GPHN: variants seen among roughly 807,000 people sequenced by gnomAD.
GPHN encodes gephyrin.
A neutral mutation model predicts 95.5 loss-of-function variants in GPHN; 17 were observed. The ratio of observed to expected loss-of-function variants is 0.18; its 90% CI spans 0.12 to 0.27. The LOEUF is 0.27. Among genes scored for constraint, GPHN ranks in the 10% least tolerant of loss-of-function variants. GPHN has a pLI of 1.00. For synonymous variants in GPHN, 320 were observed against 322.5 expected (o/e 0.99, Z 0.08); for missense variants, 660 against 978.1 (o/e 0.67, Z 4.34).
At chr14:66,783,365 A>G (rs1181670016) in intron 3 of GPHN, among the ~76,000 whole-genome samples, 1 of 151,954 alleles carries the variant, frequency 6.6e-6, no homozygotes, top group Non-Finnish European at 1.5e-5. Flanking sequence ...CTATGATATT[A>G]AAGTTGAAAC....
the GPHN span, chr14:67,376,410 A>T: frequency 6.4e-7 from 1 of 1,556,462 alleles, no homozygotes; most frequent in Non-Finnish European, 8.7e-7. Flanking sequence ...CTTATCTTTG[A>T]ATTGTTGAGC....
chr14:66,852,087 A>C (rs1406125958), intron 4 of GPHN, among the ~76,000 whole-genome samples: 2 of 152,248 alleles, frequency 1.3e-5, no homozygotes, highest in Non-Finnish European at 2.9e-5. Context: ...GAAAAATAAT[A>C]GAATTTAATG....
At chr14:67,060,976 A>G (rs1222351945) in intron 11 of GPHN, among the ~76,000 whole-genome samples, 5 of 152,210 alleles carry the variant, frequency 3.3e-5, no homozygotes, top group Non-Finnish European at 5.9e-5. Flanking sequence ...GTTTTTCTAC[A>G]TCCTCTTAAA....
intron 1 of GPHN, among the ~76,000 whole-genome samples, chr14:66,577,550 A>G (rs1836648054): frequency 6.6e-6 from 1 of 152,140 alleles, no homozygotes; most frequent in Middle Eastern, 3.2e-3. Context: ...TTATTAAATT[A>G]TGGCAAGATT....
chr14:66,959,242 C>T (rs892519845), intron 8 of GPHN, among the ~76,000 whole-genome samples: 49 of 151,944 alleles, frequency 3.2e-4, no homozygotes, highest in Non-Finnish European at 5.9e-4. Flanking sequence ...CAAAAATATA[C>T]GTGAGATACG....
chr14:66,735,950 A>G (rs2153436522), intron 2 of GPHN, among the ~76,000 whole-genome samples: 1 of 152,266 alleles, frequency 6.6e-6, no homozygotes. Context: ...CATTTTATAG[A>G]CAGGGAACCA....
chr14:67,279,572 T>G, the GPHN span: 3 of 1,498,184 alleles, frequency 2.0e-6, no homozygotes, highest in South Asian at 2.8e-5. Context: ...GAAAACATTT[T>G]GCTTTAATTT....
intron 9 of GPHN, among the ~76,000 whole-genome samples, chr14:67,021,990 T>C (rs1195567911): frequency 6.6e-6 from 1 of 152,108 alleles, no homozygotes; most frequent in African/African-American, 2.4e-5. Context: ...TCCTTCTCTC[T>C]CCCAGATTTT....
intron 8 of GPHN, among the ~76,000 whole-genome samples, chr14:66,935,706 A>G (rs1476424057): frequency 1.3e-5 from 2 of 151,858 alleles, no homozygotes; most frequent in Non-Finnish European, 2.9e-5. Context: ...GTATACGTAT[A>G]CATGTGTTTA....
chr14:67,541,879 C>T, the GPHN span: 78 of 1,601,890 alleles, frequency 4.9e-5, no homozygotes, highest in Non-Finnish European at 6.2e-5. Flanking sequence ...TGGCAGAACT[C>T]AAGGTGGAGG....
chr14:67,076,983 TATAACTGTGGGATTATTTTG>T (rs1307112458), intron 11 of GPHN, among the ~76,000 whole-genome samples: 1 of 152,150 alleles, frequency 6.6e-6, no homozygotes, highest in Non-Finnish European at 1.5e-5. Context: ...CAGGGAACTT[TATAACTGTGGGATTATTTTG>T]ATAAGTGACT....
chr14:67,608,623 T>C, the GPHN span, among the ~76,000 whole-genome samples: 4 of 152,170 alleles, frequency 2.6e-5, no homozygotes, highest in East Asian at 1.9e-4. Context: ...ATTAGGACTT[T>C]CTGGTGCTAA....
At chr14:67,579,923 T>G in the GPHN span, 1 of 1,529,282 alleles carries the variant, frequency 6.5e-7, no homozygotes, top group Non-Finnish European at 8.9e-7. Flanking sequence ...TGCTCAGGGA[T>G]ATTGGTGGTG....
chr14:67,375,232 CTGTGTGTGTGTGTGTGTGTG>C, the GPHN span, among the ~76,000 whole-genome samples: 124 of 137,672 alleles, frequency 9.0e-4, no homozygotes, highest in East Asian at 3.2e-3. Flanking sequence ...ATCCTCAGTT[CTGTGTGTGTGTGTGTGTGTG>C]TGTGTGTGTG....
chr14:67,310,038 T>TATTA, the GPHN span, among the ~76,000 whole-genome samples: 45,297 of 150,820 alleles, frequency 0.3, 10,275 homozygotes, highest in African/African-American at 0.61. Flanking sequence ...CTAGAAGTAT[T>TATTA]ATTGATAGGA....
chr14:67,733,997 T>A, the GPHN span: 1 of 626,248 alleles, frequency 1.6e-6, no homozygotes, highest in Non-Finnish European at 3.0e-6. Context: ...TCTGGGAATG[T>A]TTGCACACCT....
the GPHN span, chr14:67,385,335 T>TA: frequency 6.6e-6 from 1 of 151,362 alleles, no homozygotes; most frequent in East Asian, 1.9e-4. Context: ...CTCATGCCTG[T>TA]AACCCTGGCA....
chr14:67,569,935 G>T, the GPHN span: 1 of 1,608,258 alleles, frequency 6.2e-7, no homozygotes, highest in Non-Finnish European at 8.5e-7. Context: ...AAGCCCTCCT[G>T]CCCTTGTTTC....
At chr14:67,618,032 T>C in the GPHN span, among the ~76,000 whole-genome samples, 1 of 152,172 alleles carries the variant, frequency 6.6e-6, no homozygotes, top group Non-Finnish European at 1.5e-5. Context: ...GCAAGAGGTT[T>C]TTGCAGTAGC....
Sources: allele counts gnomAD v4.1 joint callset (sites outside exome capture counted in the v4.1 genomes callset), GRCh38; gene constraint gnomAD v4.1.1; transcripts MANE v1.5; gene names NCBI Gene and HGNC (gene_info 2026-07-23, HGNC 2026-07-21).